Variants in MYH13 observed in about 807,000 individuals in gnomAD.
MYH13 encodes the protein myosin heavy chain 13, also known as myosin-13.
In MYH13, 177 loss-of-function variants were observed where a neutral mutation model predicts 232.1. The observed-to-expected ratio is 0.76, with a 90% CI of 0.67 to 0.86. MYH13 has a LOEUF of 0.86. MYH13 is among the 40% of genes least tolerant of loss of function. MYH13 has a pLI of 0.00. For missense variants in MYH13, 2,246 were observed against 2,405.9 expected, an observed-to-expected ratio of 0.93 and a Z score of 1.39; for synonymous variants, 884 against 923.5, an observed-to-expected ratio of 0.96 and a Z score of 0.78.
chr17:10,355,272 C>T, intron 8 of MYH13, 125 bp from the exon 9 acceptor site: 2 of 1,050,688 alleles, frequency 1.9e-6, no homozygotes, highest in Non-Finnish European at 2.8e-6. Context: ...GAACTGAAGG[C>T]CTGCTTTGGT....
intron 27 of MYH13, 91 bp from the exon 28 acceptor site, chr17:10,316,116 T>C: frequency 7.0e-7 from 1 of 1,436,864 alleles, no homozygotes; most frequent in South Asian, 1.3e-5. Context: ...TAGTTTCTTG[T>C]CAGGTAAAAT....
chr17:10,315,831 C>A lies in MYH13; in HGVS notation c.3866-20G>T. 1.2e-6 allele frequency: 2 copies of A among 1,613,940 alleles called. No homozygotes were observed. Among genetic ancestry groups the A allele is most frequent in the Non-Finnish European group, 1.7e-6 (2 of 1,179,866 alleles). On this transcript the variant is annotated intron_variant, in intron 28 of 40. Transcript: ENST00000252172. The stretch of plus-strand genomic sequence containing the variant: ...GCTCCCCTACCAAACAGATGTGGCC[C>A]CCACGTCAGTGTTACTGACCACCCT...
chr17:10,343,352 C>G (rs1356015196), intron 16 of MYH13, among the ~76,000 whole-genome samples: 1 of 152,042 alleles, frequency 6.6e-6, no homozygotes, highest in Non-Finnish European at 1.5e-5. Flanking sequence ...TATGTGCCAC[C>G]ACACTCGGCT....
chr17:10,320,118 G>A (rs1259865169), intron 26 of MYH13, 35 bp downstream of exon 26: 1 of 1,507,026 alleles, frequency 6.6e-7, no homozygotes, highest in Non-Finnish European at 9.1e-7. Context: ...CTTGCAAAGG[G>A]ATTGTCATGA....
intron 3 of MYH13, 27 bp downstream of exon 3, chr17:10,364,300 T>C (rs2071815819): frequency 6.3e-7 from 1 of 1,596,200 alleles, no homozygotes; most frequent in Non-Finnish European, 8.6e-7. Flanking sequence ...GCCCATATTA[T>C]CAAAGACATC....
Position 10,300,956 on chromosome 17 carries a change from C to G in MYH13, c.5812G>C (p.Glu1938Gln), listed in dbSNP as rs1003111759. Residue 1938 changes from glutamate (E) to glutamine (Q), a missense_variant, in exon 41 of 41, where the codon GAA (glutamate) becomes CAA (glutamine). Physicochemically the swap from Glu to Gln is conservative, Grantham distance 29. Transcript: ENST00000252172. ...SRDVGSQKME[E>Q] ...CAACGAGCATCAGGTGAGCCTCATT[C>G]TTCCATCTTCTGTGGGAGAAAAAAA... 1.2e-5 allele frequency: 19 copies of G among 1,612,880 alleles called. No individual in the cohort carries two copies. The highest frequency in any genetic ancestry group is 1.6e-5 in the Non-Finnish European group (19 of 1,179,244).
intron 18 of MYH13, among the ~76,000 whole-genome samples, chr17:10,339,089 C>G (rs369233924): frequency 6.6e-6 from 1 of 152,078 alleles, no homozygotes; most frequent in African/African-American, 2.4e-5. Context: ...ACTTTTCCCC[C>G]CCAACCCCCC....
At position 10,328,089 on chromosome 17, in the gene MYH13, C is replaced by T. The variant is rs369187929; in HGVS notation, c.2468G>A (p.Arg823His). 121 of 1,613,892 alleles carry T rather than the reference C, an allele frequency of 7.5e-5. 1 individual carries two copies. Among genetic ancestry groups the T allele is most frequent in the Non-Finnish European group, 1.0e-4 (118 of 1,179,990 alleles). Residue 823 changes from arginine to histidine, a missense_variant, in exon 22 of 41, where the codon CGC becomes CAC. Coordinates refer to ENST00000252172, the MANE Select transcript of MYH13 (RefSeq NM_003802.3). ...CCAGTGCTTGACGTTCATAAAAGAG[C>T]GGATGTTGTACTGGATGCAGAAGAT... Reference protein sequence around the residue: ...DSIFCIQYNIRSFMNVKHWPW... With the variant: ...DSIFCIQYNIHSFMNVKHWPW...
chr17:10,311,012 T>C lies in MYH13; in HGVS notation c.4656+91A>G, dbSNP rs1906490784. 2.0e-6 allele frequency: 3 copies of C among 1,522,168 alleles called. No individual in the cohort carries two copies. The Admixed American group carries it at 5.8e-5, about 29-fold the overall frequency. 94.3% of individuals were successfully genotyped at this position (1,522,168 alleles called of 1,614,324 possible). ...CTCCCAATGGAGACTCAGGGTCTCCTGGCAGGAAAGGCCCCATGGGGTGGT... is the reference window on the plus strand; with the variant it reads ...CTCCCAATGGAGACTCAGGGTCTCCCGGCAGGAAAGGCCCCATGGGGTGGT... On this transcript the variant is annotated intron_variant, in intron 33 of 40. Coordinates refer to ENST00000252172, the MANE Select transcript of MYH13 (RefSeq NM_003802.3).
At chr17:10,370,106 T>C (rs1365403688) in intron 2 of MYH13, among the ~76,000 whole-genome samples, 1 of 152,234 alleles carries the variant, frequency 6.6e-6, no homozygotes, top group East Asian at 1.9e-4. Context: ...AAGTGTGATA[T>C]CCAAACCACA....
chr17:10,322,627 GTTGT>G (rs1469164760), intron 23 of MYH13, among the ~76,000 whole-genome samples: 26 of 130,878 alleles, frequency 2.0e-4, no homozygotes, highest in African/African-American at 2.9e-4. Context: ...CAATGTTACA[GTTGT>G]TTTTTTTTTT....
rs1248074164 is a variant in MYH13 at position 10,303,226 on chromosome 17, C to T, written c.5637G>A (p.Val1879=). ...QDLVDKLQAK[V]KSYKRQAEEA... is the part of the protein sequence containing the mutation. ...CCTCAGCCTGCCTCTTGTAAGACTTCACTTTGGCCTGCAGCTTGTCCACCA... is the reference window on the plus strand; with the variant it reads ...CCTCAGCCTGCCTCTTGTAAGACTTTACTTTGGCCTGCAGCTTGTCCACCA... Residue 1879 remains valine (V), a synonymous_variant, in exon 39 of 41, where the codon GTG becomes GTA. Coordinates refer to ENST00000252172, the MANE Select transcript of MYH13 (RefSeq NM_003802.3). 1 of 1,613,692 alleles carries T rather than the reference C, an allele frequency of 6.2e-7. No individual in the cohort carries two copies. The highest frequency in any genetic ancestry group is 8.5e-7 in the Non-Finnish European group (1 of 1,179,986).
At chr17:10,323,372 A>G (rs1368214286) in intron 23 of MYH13, among the ~76,000 whole-genome samples, 1 of 151,988 alleles carries the variant, frequency 6.6e-6, no homozygotes, top group Non-Finnish European at 1.5e-5. Flanking sequence ...CTTGTTTGCA[A>G]TCCCTGTGCT....
chr17:10,371,834 C>G (rs1012509601), intron 1 of MYH13, among the ~76,000 whole-genome samples: 1 of 152,090 alleles, frequency 6.6e-6, no homozygotes, highest in Non-Finnish European at 1.5e-5. Flanking sequence ...CTTCAATGCT[C>G]TAAATTCCTC....
At chr17:10,356,321 C>T (rs926079066) in intron 8 of MYH13, among the ~76,000 whole-genome samples, 1 of 152,086 alleles carries the variant, frequency 6.6e-6, no homozygotes, top group African/African-American at 2.4e-5. Context: ...CATCCCTAGC[C>T]TGCAAATATT....
Position 10,328,122 on chromosome 17 carries a change from C to CTAA in MYH13, c.2436-2_2436-1insTTA. On this transcript the variant is annotated splice_acceptor_variant, in intron 21 of 40. Transcript: ENST00000252172. LOFTEE classifies it high-confidence loss of function. ...GTACTGGATGCAGAAGATGGAGTCC[C>CTAA]TGTACACCCATTAGGACTCAAATTA... The CTAA allele has an allele frequency of 1.2e-6, 2 of 1,613,308 alleles. No homozygotes were observed. The highest frequency in any genetic ancestry group is 1.7e-6 in the Non-Finnish European group (2 of 1,179,792).
At position 10,320,496 on chromosome 17, in the gene MYH13, G is replaced by A. The variant is rs1906902219; in HGVS notation, c.3112C>T (p.Leu1038Phe). The A allele has an allele frequency of 6.2e-7, 1 of 1,611,814 alleles. No homozygotes were observed. Among genetic ancestry groups the A allele is most frequent in the South Asian group, 1.1e-5 (1 of 90,318 alleles). ...NAKLEQQTDD[L>F]EGSLEQEKKL... ...TTCTCCTGCTCTAAGGAACCCTCAA[G>A]CTGAGAAGACACACAGGTAGAAAAT... The change falls in exon 25 of 41, where the codon CTT (leucine) becomes TTT (phenylalanine). Residue 1038 changes from leucine to phenylalanine, a missense_variant and splice_region_variant. Coordinates refer to ENST00000252172, the MANE Select transcript of MYH13 (RefSeq NM_003802.3).
chr17:10,325,546 A>G (rs1907169586), intron 22 of MYH13, among the ~76,000 whole-genome samples: 1 of 152,256 alleles, frequency 6.6e-6, no homozygotes, highest in African/African-American at 2.4e-5. Flanking sequence ...ACAGAAAATT[A>G]AAAACACCCA....
rs1335958948 is a variant in MYH13 at position 10,312,084 on chromosome 17, A to G, written c.4366-8T>C. Reference sequence around the variant, plus strand: ...CTTCCACTCTGCAAGGACCTGGGAGATGACAAAGGGACATGGGAGAAGCAG... The same window carrying G: ...CTTCCACTCTGCAAGGACCTGGGAGGTGACAAAGGGACATGGGAGAAGCAG... On this transcript the variant is annotated splice_polypyrimidine_tract_variant and splice_region_variant and intron_variant, in intron 31 of 40. Transcript: ENST00000252172. The G allele has an allele frequency of 6.2e-7, 1 of 1,613,266 alleles. No individual in the cohort carries two copies. The highest frequency in any genetic ancestry group is 2.2e-5 in the East Asian group (1 of 44,874).
Sources: allele counts gnomAD v4.1 joint callset (sites outside exome capture counted in the v4.1 genomes callset), GRCh38; gene constraint gnomAD v4.1.1; transcripts MANE v1.5; gene names NCBI Gene and HGNC (gene_info 2026-07-23, HGNC 2026-07-21).